DGKB: variants seen among roughly 807,000 people sequenced by gnomAD.
The protein encoded by DGKB is diacylglycerol kinase beta.
DGKB carries 67 observed loss-of-function variants against 114.3 expected under a neutral mutation model. The ratio of observed to expected loss-of-function variants is 0.59; its 90% CI spans 0.48 to 0.72. The LOEUF is 0.72. Among genes scored for constraint, DGKB ranks in the 30% least tolerant of loss-of-function variants. The pLI, the probability that DGKB is intolerant of heterozygous loss-of-function variation, is 0.00. For missense variants in DGKB, 907 were observed against 975.2 expected (o/e 0.93, Z 0.93); for synonymous variants, 398 against 323.1 (o/e 1.23, Z -2.49).
intron 23 of DGKB, among the ~76,000 whole-genome samples, chr7:14,302,071 A>G (rs1803661360): frequency 6.6e-6 from 1 of 152,146 alleles, no homozygotes; most frequent in South Asian, 2.1e-4. Flanking sequence ...GCCAAAGCCA[A>G]CAAAAAGCAA....
chr7:14,614,524 A>G (rs1806174896), intron 15 of DGKB, among the ~76,000 whole-genome samples: 1 of 152,042 alleles, frequency 6.6e-6, no homozygotes, highest in Non-Finnish European at 1.5e-5. Flanking sequence ...CTCCCCTAGA[A>G]AGTAGTCTTA....
At chr7:14,291,977 CCTT>C (rs1484690253) in intron 23 of DGKB, among the ~76,000 whole-genome samples, 2 of 151,964 alleles carry the variant, frequency 1.3e-5, no homozygotes, top group African/African-American at 2.4e-5. Context: ...CTGTTTACCT[CCTT>C]TTCAATTTTT....
chr7:14,806,346 A>G (rs1586638364), intron 2 of DGKB, among the ~76,000 whole-genome samples: 1 of 152,092 alleles, frequency 6.6e-6, no homozygotes, highest in African/African-American at 2.4e-5. Context: ...TTATATGGCT[A>G]TAGAGTCTAC....
upstream of DGKB, among the ~76,000 whole-genome samples, chr7:14,904,775 T>A (rs1041126979): frequency 1.3e-4 from 20 of 152,180 alleles, no homozygotes; most frequent in African/African-American, 4.8e-4. Flanking sequence ...TGTCTGTCCA[T>A]TAAATAATTA....
At chr7:14,618,868 A>G (rs1807068648) in intron 15 of DGKB, among the ~76,000 whole-genome samples, 2 of 151,312 alleles carry the variant, frequency 1.3e-5, no homozygotes, top group Admixed American at 6.6e-5. Context: ...CTGCAACTCA[A>G]TGCTTTTTAA....
intron 21 of DGKB, among the ~76,000 whole-genome samples, chr7:14,393,008 T>TTTTTTTTTTTTTTTTTTTTTTTTGAAG (rs71033995): frequency 7.4e-6 from 1 of 134,840 alleles, no homozygotes; most frequent in Non-Finnish European, 1.6e-5. Context: ...TTTTTTTTTT[T>TTTTTTTTTTTTTTTTTTTTTTTTGAAG]GAGACGGAGT....
chr7:14,817,743 T>G (rs545176491), intron 2 of DGKB, among the ~76,000 whole-genome samples: 8 of 152,174 alleles, frequency 5.3e-5, no homozygotes, highest in Non-Finnish European at 1.0e-4. Flanking sequence ...TTAGATTATA[T>G]TGTCAAAACC....
At chr7:14,415,930 C>T (rs980349634) in intron 21 of DGKB, among the ~76,000 whole-genome samples, 2 of 152,168 alleles carry the variant, frequency 1.3e-5, no homozygotes, top group African/African-American at 4.8e-5. Context: ...TCTCCAGCAC[C>T]TGTTGTTTCC....
At chr7:14,738,118 T>C (rs1296964868) in intron 4 of DGKB, among the ~76,000 whole-genome samples, 2 of 152,206 alleles carry the variant, frequency 1.3e-5, no homozygotes, top group Non-Finnish European at 1.5e-5. Flanking sequence ...ACACCTACTC[T>C]TACTAAGAGA....
intron 1 of DGKB, among the ~76,000 whole-genome samples, chr7:14,896,700 A>G (rs1402836270): frequency 2.0e-5 from 3 of 151,774 alleles, no homozygotes; most frequent in Non-Finnish European, 4.4e-5. Context: ...CCTGTTTTAC[A>G]AGGAGAAGTC....
chr7:14,268,211 C>CCACACACA (rs10699466), intron 23 of DGKB, among the ~76,000 whole-genome samples: 1 of 150,192 alleles, frequency 6.7e-6, no homozygotes. Flanking sequence ...AGTCACTGTA[C>CCACACACA]CACACACACA....
intron 23 of DGKB, among the ~76,000 whole-genome samples, chr7:14,303,972 G>T (rs1803992297): frequency 6.6e-6 from 1 of 151,052 alleles, no homozygotes; most frequent in Admixed American, 6.6e-5. Context: ...CCCTGGATTA[G>T]ATAATGCACT....
intron 23 of DGKB, among the ~76,000 whole-genome samples, chr7:14,247,495 A>G (rs946285214): frequency 6.6e-6 from 1 of 152,072 alleles, no homozygotes; most frequent in Non-Finnish European, 1.5e-5. Flanking sequence ...CCCTTTCTCC[A>G]TATCTTCTCC....
chr7:14,209,301 A>T (rs1194757737), intron 23 of DGKB: 1 of 273,268 alleles, frequency 3.7e-6, no homozygotes, highest in Non-Finnish European at 7.3e-6. Context: ...CTAAACCAAA[A>T]TTAAGTAGCA....
intron 21 of DGKB, among the ~76,000 whole-genome samples, chr7:14,455,752 A>G (rs910417701): frequency 1.3e-5 from 2 of 152,004 alleles, no homozygotes; most frequent in African/African-American, 4.8e-5. Flanking sequence ...CAGGAAATAG[A>G]TATAAGAAAG....
intron 2 of DGKB, among the ~76,000 whole-genome samples, chr7:14,820,642 A>C (rs1173014683): frequency 1.3e-5 from 2 of 152,190 alleles, no homozygotes; most frequent in African/African-American, 2.4e-5. Flanking sequence ...AGAAAACAGC[A>C]AATGCTCTAA....
intron 23 of DGKB, among the ~76,000 whole-genome samples, chr7:14,206,912 C>T (rs1424429032): frequency 6.6e-6 from 1 of 151,956 alleles, no homozygotes; most frequent in East Asian, 1.9e-4. Flanking sequence ...TAAAGCACAA[C>T]TCATATCAGT....
At chr7:14,397,042 GGA>G (rs148538737) in intron 21 of DGKB, among the ~76,000 whole-genome samples, 6 of 150,554 alleles carry the variant, frequency 4.0e-5, no homozygotes, top group East Asian at 1.9e-4. Flanking sequence ...AAGCTTTCTG[GGA>G]GAGAGAGAGA....
chr7:14,267,340 T>C (rs2128424330), intron 23 of DGKB, among the ~76,000 whole-genome samples: 1 of 152,248 alleles, frequency 6.6e-6, no homozygotes, highest in Admixed American at 6.5e-5. Flanking sequence ...AAGAAGAAGG[T>C]GGACCTAGGT....
Sources: allele counts gnomAD v4.1 joint callset (sites outside exome capture counted in the v4.1 genomes callset), GRCh38; gene constraint gnomAD v4.1.1; transcripts MANE v1.5; gene names NCBI Gene and HGNC (gene_info 2026-07-23, HGNC 2026-07-21).